The following KSR2 variants were observed in gnomAD, a reference collection of about 807,000 sequenced individuals.
KSR2 encodes the protein kinase suppressor of ras 2.
Under a neutral mutation model 107.8 loss-of-function variants are expected in KSR2, and 25 were observed. That is an observed-to-expected ratio of 0.23 (90% CI 0.17 to 0.32). The LOEUF is 0.32. Ranked by LOEUF, KSR2 falls within the 10% of genes least tolerant of loss-of-function variation. The probability of loss-of-function intolerance (pLI) is 1.00; values close to 1 mark genes in which losing one functional copy is unlikely to be tolerated. For synonymous variants in KSR2, 480 were observed against 507.0 expected, an observed-to-expected ratio of 0.95 and a Z score of 0.71; for missense variants, 887 against 1,268.9, an observed-to-expected ratio of 0.70 and a Z score of 4.57.
At chr12:117,491,329 A>G (rs1395332219) in intron 14 of KSR2, among the ~76,000 whole-genome samples, 1 of 151,988 alleles carries the variant, frequency 6.6e-6, no homozygotes, top group Non-Finnish European at 1.5e-5. Flanking sequence ...ACAGGTGCCT[A>G]CCACCACGCC....
At chr12:117,943,082 A>G (rs1382298082) in intron 1 of KSR2, among the ~76,000 whole-genome samples, 1 of 152,236 alleles carries the variant, frequency 6.6e-6, no homozygotes, top group Admixed American at 6.5e-5. Context: ...CTTAAGAAAC[A>G]TAAACATACA....
chr12:117,926,420 G>T (rs1324925666), intron 1 of KSR2, among the ~76,000 whole-genome samples: 1 of 152,228 alleles, frequency 6.6e-6, no homozygotes, highest in Non-Finnish European at 1.5e-5. Context: ...TTCCTAATTA[G>T]CATCTCTCAA....
Position 117,459,725 on chromosome 12 carries a change from T to C in KSR2, c.*7474A>G, listed in dbSNP as rs546884805. ...ACACACAGCAGATTTGACCCCTCCA[T>C]TGGAAGACACCATCAGCCAGATGTG... On this transcript the variant is annotated 3_prime_UTR_variant, in exon 20 of 20. Coordinates refer to ENST00000339824, the MANE Select transcript of KSR2 (RefSeq NM_173598.6). 6.6e-6 allele frequency: 1 copy of C among 152,332 alleles called. No individual in the cohort carries two copies. The highest frequency in any genetic ancestry group is 1.5e-5 in the Non-Finnish European group (1 of 68,024). The allele number at this position is 152,332 out of a possible 1,614,324, so 9.4% of individuals were successfully genotyped here.
At chr12:117,482,398 C>CT (rs1486940949) in intron 16 of KSR2, among the ~76,000 whole-genome samples, 1 of 152,160 alleles carries the variant, frequency 6.6e-6, no homozygotes, top group Non-Finnish European at 1.5e-5. Context: ...TTGTTTTAAG[C>CT]CACTAAGTTT....
intron 9 of KSR2, among the ~76,000 whole-genome samples, chr12:117,541,044 A>G (rs1313766170): frequency 1.3e-5 from 2 of 152,136 alleles, no homozygotes; most frequent in African/African-American, 4.8e-5. Flanking sequence ...GGGAGTAATG[A>G]TAGCATCAAG....
At chr12:117,720,870 G>A (rs1453823584) in intron 4 of KSR2, among the ~76,000 whole-genome samples, 1 of 152,136 alleles carries the variant, frequency 6.6e-6, no homozygotes, top group Non-Finnish European at 1.5e-5. Context: ...ACAAAGAAGA[G>A]GCACAGACAA....
intron 4 of KSR2, among the ~76,000 whole-genome samples, chr12:117,680,559 C>T (rs1885323839): frequency 6.6e-6 from 1 of 152,174 alleles, no homozygotes; most frequent in Admixed American, 6.5e-5. Flanking sequence ...TCTCTCCTCT[C>T]CTCCTCTCCA....
chr12:117,963,050 C>T (rs192071577), intron 1 of KSR2, among the ~76,000 whole-genome samples: 29 of 151,820 alleles, frequency 1.9e-4, no homozygotes, highest in African/African-American at 6.8e-4. Flanking sequence ...ATTAGCCAGG[C>T]GTGATGGTGC....
rs138968007 is a variant in KSR2 at position 117,899,817 on chromosome 12, A to T, written c.181-39386T>A. ...AGAAAGATTTTCTTGCTGGCCTTGA[A>T]GAAGCAAACAGCCACGTTGTGAACA... On this transcript the variant is annotated intron_variant, in intron 1 of 19. Coordinates refer to ENST00000339824, the MANE Select transcript of KSR2 (RefSeq NM_173598.6). Among the ~76,000 whole-genome samples the T allele has an allele frequency of 3.0e-3, 457 of 152,364 alleles. 9 individuals carry two copies. The East Asian group carries it at 0.037, about 12-fold the overall frequency.
chr12:117,731,858 C>A (rs1887729728), intron 4 of KSR2, among the ~76,000 whole-genome samples: 2 of 143,104 alleles, frequency 1.4e-5, no homozygotes, highest in Admixed American at 1.5e-4. Context: ...AGAGTCATCA[C>A]CAATCCCTAA....
intron 4 of KSR2, among the ~76,000 whole-genome samples, chr12:117,716,132 C>G (rs908935647): frequency 6.6e-6 from 1 of 152,224 alleles, no homozygotes; most frequent in Admixed American, 6.5e-5. Flanking sequence ...GTATTTACTT[C>G]CTTGTAAATT....
chr12:117,782,388 C>G (rs566724325), intron 3 of KSR2, among the ~76,000 whole-genome samples: 1 of 152,096 alleles, frequency 6.6e-6, no homozygotes, highest in South Asian at 2.1e-4. Flanking sequence ...CTTGGTCTCC[C>G]GAGTAGCTAG....
In KSR2 at chr12:117,518,785, T is replaced by C. The variant is rs145080447; in HGVS notation, c.2219+6067A>G. On this transcript the variant is annotated intron_variant, in intron 14 of 19. Coordinates refer to ENST00000339824, the MANE Select transcript of KSR2 (RefSeq NM_173598.6). ...ATACCTACCCCAGGGCCTTTGCACC[T>C]GCAGTACCTCTACCTGAACTGCTCT... Among the ~76,000 whole-genome samples the C allele has an allele frequency of 1.0e-3, 154 of 152,352 alleles. 1 individual carries two copies. In the East Asian group the frequency reaches 0.026, roughly 26 times the overall value.
chr12:117,874,062 T>G (rs1470342812), intron 1 of KSR2, among the ~76,000 whole-genome samples: 1 of 152,242 alleles, frequency 6.6e-6, no homozygotes, highest in Non-Finnish European at 1.5e-5. Context: ...CTGCAAAATG[T>G]CAGAAAAGAT....
At chr12:117,955,143 A>T (rs1896475424) in intron 1 of KSR2, among the ~76,000 whole-genome samples, 3 of 151,986 alleles carry the variant, frequency 2.0e-5, no homozygotes, top group African/African-American at 7.2e-5. Flanking sequence ...TATTTTTGAG[A>T]CAGGGTCTCA....
intron 5 of KSR2, among the ~76,000 whole-genome samples, chr12:117,637,691 T>G (rs2136393311): frequency 7.2e-6 from 1 of 138,354 alleles, no homozygotes; most frequent in Non-Finnish European, 1.6e-5. Context: ...TTTTTTTTTT[T>G]TTTTTTTTGA....
chr12:117,695,602 T>C (rs1338430591), intron 4 of KSR2, among the ~76,000 whole-genome samples: 2 of 150,516 alleles, frequency 1.3e-5, no homozygotes, highest in Admixed American at 1.3e-4. Flanking sequence ...TCCCAGCTAC[T>C]TGGGGGGCTG....
chr12:117,649,344 T>C (rs1199446035), intron 5 of KSR2, among the ~76,000 whole-genome samples: 1 of 152,198 alleles, frequency 6.6e-6, no homozygotes, highest in East Asian at 1.9e-4. Flanking sequence ...ACATTTCAGA[T>C]GTTCAATCAA....
At chr12:117,729,749 T>C (rs1340089825) in intron 4 of KSR2, among the ~76,000 whole-genome samples, 3 of 150,828 alleles carry the variant, frequency 2.0e-5, no homozygotes, top group Admixed American at 6.6e-5. Context: ...CCTTTAACAA[T>C]GTGCCCAGTC....
Sources: allele counts gnomAD v4.1 joint callset (sites outside exome capture counted in the v4.1 genomes callset), GRCh38; gene constraint gnomAD v4.1.1; transcripts MANE v1.5; gene names NCBI Gene and HGNC (gene_info 2026-07-23, HGNC 2026-07-21).